The following SGCD variants were observed in gnomAD, a reference collection of about 807,000 sequenced individuals.
The protein encoded by SGCD is sarcoglycan delta.
A neutral mutation model predicts 36.6 loss-of-function variants in SGCD; 18 were observed. The ratio of observed to expected loss-of-function variants is 0.49; its 90% CI spans 0.34 to 0.73. The LOEUF is 0.73. Ranked by LOEUF, SGCD falls within the 30% of genes least tolerant of loss-of-function variation. SGCD has a pLI of 0.01. For synonymous variants in SGCD, 133 were observed against 130.6 expected (o/e 1.02, Z -0.12); for missense variants, 387 against 346.7 (o/e 1.12, Z -0.92).
intron 3 of SGCD, among the ~76,000 whole-genome samples, chr5:156,190,670 C>T (rs1235886369): frequency 6.6e-6 from 1 of 151,968 alleles, no homozygotes; most frequent in Non-Finnish European, 1.5e-5. Flanking sequence ...AAATAATAAT[C>T]GTAATTACTA....
Position 155,991,210 on chromosome 5 carries a change from G to T in SGCD, c.-282+120786G>T, listed in dbSNP as rs575108359. On this transcript the variant is annotated intron_variant, in intron 1 of 9. Transcript: ENST00000517913. ...AATGTAAAGCATTATTCTCTCTAGA[G>T]CAACATCTGAGCCATACAAGTGCCA... Among the ~76,000 whole-genome samples, 16 of 152,286 alleles carry T rather than the reference G, an allele frequency of 1.1e-4. No homozygotes were observed. The South Asian group carries it at 3.1e-3, about 30-fold the overall frequency.
intron 1 of SGCD, among the ~76,000 whole-genome samples, chr5:156,000,890 TC>T (rs769556409): frequency 5.3e-5 from 8 of 152,286 alleles, no homozygotes; most frequent in Non-Finnish European, 1.0e-4. Flanking sequence ...TGTAATAAGT[TC>T]CCAGGTGTTG....
chr5:156,048,201 T>C (rs1311668397), intron 1 of SGCD, among the ~76,000 whole-genome samples: 1 of 152,226 alleles, frequency 6.6e-6, no homozygotes, highest in East Asian at 1.9e-4. Flanking sequence ...ATGTGCCACC[T>C]TTTCTTAATC....
intron 3 of SGCD, among the ~76,000 whole-genome samples, chr5:156,452,290 G>A (rs62382694): frequency 0.14 from 20,629 of 151,912 alleles, 1,758 homozygotes; most frequent in Middle Eastern, 0.25. Context: ...TTATGCTCTA[G>A]GTATAGTCTC....
At chr5:156,640,076 C>T (rs760813487) in intron 6 of SGCD, among the ~76,000 whole-genome samples, 3 of 152,128 alleles carry the variant, frequency 2.0e-5, no homozygotes, top group African/African-American at 7.2e-5. Context: ...CCCCTCTGCT[C>T]AGTGTTCCAT....
intron 7 of SGCD, 69 bp from the exon 8 acceptor site, chr5:156,757,512 C>A (rs1228418789): frequency 4.0e-6 from 4 of 996,952 alleles, no homozygotes; most frequent in Non-Finnish European, 5.9e-6. Flanking sequence ...TGTCCTTGAG[C>A]ATGAACTTCC....
At chr5:156,406,880 C>G (rs1390457397) in intron 3 of SGCD, among the ~76,000 whole-genome samples, 1 of 145,708 alleles carries the variant, frequency 6.9e-6, no homozygotes, top group African/African-American at 2.6e-5. Flanking sequence ...TAAGTATTAA[C>G]TTACATAATC....
chr5:156,484,271 T>G (rs769688942), intron 3 of SGCD, among the ~76,000 whole-genome samples: 1 of 152,238 alleles, frequency 6.6e-6, no homozygotes, highest in Non-Finnish European at 1.5e-5. Context: ...CACATCTCTA[T>G]TTTTAAAATA....
intron 4 of SGCD, among the ~76,000 whole-genome samples, chr5:156,534,853 A>G (rs73297136): frequency 0.032 from 4,902 of 152,280 alleles, 272 homozygotes; most frequent in African/African-American, 0.11. Flanking sequence ...TTAACTCACT[A>G]TAAATGACCA....
At chr5:155,918,447 C>T (rs1249894169) in intron 1 of SGCD, among the ~76,000 whole-genome samples, 1 of 152,142 alleles carries the variant, frequency 6.6e-6, no homozygotes, top group Non-Finnish European at 1.5e-5. Context: ...TCTGTAATCC[C>T]AGCTACTCAG....
intron 3 of SGCD, among the ~76,000 whole-genome samples, chr5:156,231,601 G>A (rs551043431): frequency 1.3e-5 from 2 of 152,146 alleles, no homozygotes; most frequent in Admixed American, 6.5e-5. Flanking sequence ...CTGGAAAAGT[G>A]TATTCGATAA....
At chr5:156,561,460 C>T (rs1350460173) in intron 4 of SGCD, among the ~76,000 whole-genome samples, 1 of 152,202 alleles carries the variant, frequency 6.6e-6, no homozygotes, top group Admixed American at 6.5e-5. Context: ...ATGTATGCAA[C>T]TTTGTGTTAG....
At chr5:156,070,923 G>C (rs1415436888) in intron 1 of SGCD, among the ~76,000 whole-genome samples, 2 of 152,184 alleles carry the variant, frequency 1.3e-5, no homozygotes, top group Non-Finnish European at 2.9e-5. Context: ...TTGCATAGAG[G>C]TGTTTGTAGT....
At chr5:156,434,858 TG>T (rs937493668) in intron 3 of SGCD, among the ~76,000 whole-genome samples, 1 of 152,130 alleles carries the variant, frequency 6.6e-6, no homozygotes, top group African/African-American at 2.4e-5. Context: ...TCATTAAAGG[TG>T]TATAAGAGAG....
chr5:156,652,795 T>G (rs1763512515), intron 7 of SGCD, among the ~76,000 whole-genome samples: 1 of 152,110 alleles, frequency 6.6e-6, no homozygotes, highest in African/African-American at 2.4e-5. Context: ...TTGAGGGTTT[T>G]TCTCATACAG....
At chr5:156,369,750 G>A (rs1398859308) in intron 3 of SGCD, among the ~76,000 whole-genome samples, 2 of 152,158 alleles carry the variant, frequency 1.3e-5, no homozygotes, top group African/African-American at 4.8e-5. Context: ...GCAGAGGTTT[G>A]TGGGATTTTT....
intron 3 of SGCD, among the ~76,000 whole-genome samples, chr5:156,241,915 T>G (rs1424356397): frequency 6.6e-6 from 1 of 152,024 alleles, no homozygotes; most frequent in Non-Finnish European, 1.5e-5. Context: ...TGCTTGGGGT[T>G]GGGAGAGATG....
intron 3 of SGCD, among the ~76,000 whole-genome samples, chr5:156,315,152 A>G (rs548800720): frequency 1.1e-4 from 17 of 151,904 alleles, no homozygotes; most frequent in Non-Finnish European, 1.8e-4. Context: ...TAAGTCTCCA[A>G]TACCTATTCA....
chr5:156,669,861 G>A (rs1244371710), intron 7 of SGCD, among the ~76,000 whole-genome samples: 1 of 152,106 alleles, frequency 6.6e-6, no homozygotes, highest in African/African-American at 2.4e-5. Context: ...AGCAGTCCTA[G>A]ATTTTTTTTA....
Sources: allele counts gnomAD v4.1 joint callset (sites outside exome capture counted in the v4.1 genomes callset), GRCh38; gene constraint gnomAD v4.1.1; transcripts MANE v1.5; gene names NCBI Gene and HGNC (gene_info 2026-07-23, HGNC 2026-07-21).